Variants in MYO1C observed in about 807,000 individuals in gnomAD.
The protein encoded by MYO1C is unconventional myosin-Ic.
Under a neutral mutation model 150.8 loss-of-function variants are expected in MYO1C, and 104 were observed. The ratio of observed to expected loss-of-function variants is 0.69; its 90% CI spans 0.59 to 0.81. The LOEUF (loss-of-function observed/expected upper bound fraction) is 0.81, where lower values mean the gene tolerates loss of function less well. Among genes scored for constraint, MYO1C ranks in the 30% least tolerant of loss-of-function variants. The pLI is 0.00. For synonymous variants in MYO1C, 663 were observed against 579.9 expected, an observed-to-expected ratio of 1.14 and a Z score of -2.06; for missense variants, 1,504 against 1,435.0, an observed-to-expected ratio of 1.05 and a Z score of -0.78.
At chr17:1,489,889 A>T (rs1024121420) in intron 1 of MYO1C, among the ~76,000 whole-genome samples, 3 of 151,798 alleles carry the variant, frequency 2.0e-5, no homozygotes, top group Non-Finnish European at 4.4e-5. Flanking sequence ...AAATACAAAA[A>T]ATTAGCAGGG....
At chr17:1,472,450 C>A in intron 17 of MYO1C, 1 of 572,530 alleles carries the variant, frequency 1.7e-6, no homozygotes, top group Non-Finnish European at 3.1e-6. Context: ...GAGCCTCACT[C>A]CAGCCTAAAA....
rs1598315421 is a variant in MYO1C at position 1,465,714 on chromosome 17, T to C, written c.*12A>G. 2 of 1,325,808 alleles carry C rather than the reference T, an allele frequency of 1.5e-6. No homozygotes were observed. The highest frequency in any genetic ancestry group is 2.8e-5 in the East Asian group (1 of 35,712). 82.1% of individuals were successfully genotyped at this position (1,325,808 alleles called of 1,614,324 possible). On this transcript the variant is annotated 3_prime_UTR_variant, in exon 32 of 32. Coordinates refer to ENST00000648651, the MANE Select transcript of MYO1C (RefSeq NM_001080779.2). ...AGCATTGGGCGTTGGGAGGGTCCAGTGGGCGCCTTTATCACCGAGAATTCA... is the reference window on the plus strand; with the variant it reads ...AGCATTGGGCGTTGGGAGGGTCCAGCGGGCGCCTTTATCACCGAGAATTCA...
Position 1,479,518 on chromosome 17 carries a change from G to A in MYO1C, c.1021-16C>T, listed in dbSNP as rs746149399. The stretch of plus-strand genomic sequence containing the variant: ...CGCTGAGGAGCTGCCAAGGGCAGGC[G>A]AGGACACGGTGAGGGTGCACCCCCA... On this transcript the variant is annotated splice_polypyrimidine_tract_variant and intron_variant, in intron 8 of 31. Coordinates refer to ENST00000648651, the MANE Select transcript of MYO1C (RefSeq NM_001080779.2). This position sits in a 1 kb window ranked among gnomAD's most constrained non-coding sequence, Gnocchi z 4.2. The A allele has an allele frequency of 7.9e-6, 12 of 1,513,560 alleles. No homozygotes were observed. Among genetic ancestry groups the A allele is most frequent in the Middle Eastern group, 2.0e-4 (1 of 4,932 alleles). The allele number at this position is 1,513,560 out of a possible 1,614,324, so 93.8% of individuals were successfully genotyped here.
intron 14 of MYO1C, among the ~76,000 whole-genome samples, chr17:1,477,107 A>G (rs1319577414): frequency 6.6e-6 from 1 of 151,960 alleles, no homozygotes; most frequent in East Asian, 1.9e-4. Context: ...CCAAAGTGCT[A>G]GGATTACAGG....
chr17:1,473,183 GA>G (rs759851215), intron 17 of MYO1C, among the ~76,000 whole-genome samples: 40 of 152,210 alleles, frequency 2.6e-4, no homozygotes, highest in Non-Finnish European at 3.5e-4. Context: ...CTGGGTGACA[GA>G]GCGAGACTCC....
Position 1,468,124 on chromosome 17 carries a change from C to A in MYO1C, c.2761-1G>T. On this transcript the variant is annotated splice_acceptor_variant, in intron 27 of 31. Transcript: ENST00000648651. LOFTEE classifies it high-confidence loss of function. ...CGTATTTCACAACAGGCACCGCATA[C>A]TGGGGACAGAGGCCAGGCTGAAGGG... 1 of 1,613,482 alleles carries A rather than the reference C, an allele frequency of 6.2e-7. No individual in the cohort carries two copies. Among genetic ancestry groups the A allele is most frequent in the Non-Finnish European group, 8.5e-7 (1 of 1,180,006 alleles).
At chr17:1,483,474 G>T (rs1207875447) in intron 3 of MYO1C, 136 bp downstream of exon 3, 1 of 682,560 alleles carries the variant, frequency 1.5e-6, no homozygotes, top group Non-Finnish European at 2.6e-6. Context: ...CTGGTCACTG[G>T]GGGGCAAGAG....
At chr17:1,467,628 AC>A (rs756611796) in intron 29 of MYO1C, 51 bp from the exon 30 acceptor site, 1 of 1,516,910 alleles carries the variant, frequency 6.6e-7, no homozygotes, top group Admixed American at 1.8e-5. Flanking sequence ...AACTTGAGGA[AC>A]CCCCGCCCCA....
At chr17:1,488,708 G>A (rs748154175) in intron 1 of MYO1C, among the ~76,000 whole-genome samples, 2 of 152,208 alleles carry the variant, frequency 1.3e-5, no homozygotes, top group Non-Finnish European at 2.9e-5. Context: ...GGCCCCTGTC[G>A]GTGTCGTGTG....
intron 17 of MYO1C, among the ~76,000 whole-genome samples, chr17:1,474,211 G>T (rs1481199928): frequency 6.6e-6 from 1 of 152,066 alleles, no homozygotes; most frequent in African/African-American, 2.4e-5. Flanking sequence ...TGGATCACCC[G>T]AGGTCAGGAG....
rs775948149 is a variant in MYO1C at position 1,470,307 on chromosome 17, G to A, written c.2394C>T (p.His798=). The A allele has an allele frequency of 4.5e-6, 7 of 1,566,762 alleles. No individual in the cohort carries two copies. Among genetic ancestry groups the A allele is most frequent in the African/African-American group, 1.4e-5 (1 of 73,932 alleles). The change falls in exon 24 of 32, where the codon CAC becomes CAT. Residue 798 remains histidine, a synonymous_variant. Coordinates refer to ENST00000648651, the MANE Select transcript of MYO1C (RefSeq NM_001080779.2). ...AGGCGTTCTCGGGGCAGCGGGGGGC[G>A]TGGCGCAGGACGAAGCCTCGGATGA... is the stretch of plus-strand genomic sequence containing the variant. ...RRLIRGFVLR[H]APRCPENAFF... is the part of the protein sequence containing the mutation.
At chr17:1,491,454 C>CA (rs1567539573) in intron 1 of MYO1C, 2,533 of 182,118 alleles carry the variant, frequency 0.014, 147 homozygotes, top group African/African-American at 0.077. Flanking sequence ...GGGACCCCCC[C>CA]CCCCCGCACG....
intron 28 of MYO1C, 26 bp from the exon 29 acceptor site, chr17:1,467,936 G>A (rs562681119): frequency 1.9e-6 from 3 of 1,612,876 alleles, no homozygotes; most frequent in South Asian, 2.2e-5. Context: ...AAAGGTCAGA[G>A]GTCGAGGGTC....
chr17:1,465,774 G>T, intron 31 of MYO1C, 22 bp from the exon 32 acceptor site: 1 of 1,318,142 alleles, frequency 7.6e-7, no homozygotes, highest in Non-Finnish European at 9.8e-7. Flanking sequence ...GAGAGAGACG[G>T]CCAAGTGGTG....
rs2286870 is a variant in MYO1C, at chr17:1,468,702, G to A, written c.2611-206C>T. 0.64 allele frequency: 386,020 copies of A among 606,056 alleles called. 124,369 individuals carry two copies. The highest frequency in any genetic ancestry group is 0.79 in the African/African-American group (42,910 of 54,202). The allele number at this position is 606,056 out of a possible 1,614,324, so 37.5% of individuals were successfully genotyped here. A position where few individuals can be genotyped will look rare whatever the true frequency, so the allele number is the denominator to read the frequency against. On this transcript the variant is annotated intron_variant, in intron 25 of 31. Coordinates refer to ENST00000648651, the MANE Select transcript of MYO1C (RefSeq NM_001080779.2). ...CTGCCGCCACCAAGCACTCCCCAGC[G>A]GGGTCATGAAGGCACTGCGGGGTTT...
chr17:1,465,864 G>A (rs749636759), intron 31 of MYO1C, 112 bp from the exon 32 acceptor site: 9 of 757,838 alleles, frequency 1.2e-5, no homozygotes, highest in Non-Finnish European at 1.7e-5. Flanking sequence ...ATGGGGTCTC[G>A]CTATATTGTC....
At chr17:1,483,758 C>G (rs2150962260) in intron 2 of MYO1C, 33 bp from the exon 3 acceptor site, 1 of 1,544,028 alleles carries the variant, frequency 6.5e-7, no homozygotes, top group East Asian at 2.3e-5. Context: ...CAAAGTTTAT[C>G]CCGGGCCAGG....
Position 1,470,304 on chromosome 17 carries a change from G to T in MYO1C, c.2397C>A (p.Ala799=), listed in dbSNP as rs1340089478. ...RLIRGFVLRH[A]PRCPENAFFL... ...AGAAGGCGTTCTCGGGGCAGCGGGG[G>T]GCGTGGCGCAGGACGAAGCCTCGGA... The change falls in exon 24 of 32, where the codon GCC becomes GCA. Residue 799 remains alanine (A), a synonymous_variant. Coordinates refer to ENST00000648651, the MANE Select transcript of MYO1C (RefSeq NM_001080779.2). 2.5e-6 allele frequency: 4 copies of T among 1,572,248 alleles called. No homozygotes were observed. Among genetic ancestry groups the T allele is most frequent in the East Asian group, 2.3e-5 (1 of 43,018 alleles).
Position 1,471,292 on chromosome 17 carries a change from C to A in MYO1C, c.2066G>T (p.Arg689Leu). The A allele has an allele frequency of 6.2e-7, 1 of 1,613,994 alleles. No homozygotes were observed. Among genetic ancestry groups the A allele is most frequent in the South Asian group, 1.1e-5 (1 of 91,082 alleles). Reference sequence around the variant, plus strand: ...CAGCACAGCCACCCCATCCTGCGGCCGTCCTGCCCACGTGGGCCACGTCTC... The same window carrying A: ...CAGCACAGCCACCCCATCCTGCGGCAGTCCTGCCCACGTGGGCCACGTCTC... ...CPETWPTWAG[R>L]PQDGVAVLVR... The change falls in exon 20 of 32, where the codon CGG (arginine) becomes CTG (leucine). Residue 689 changes from arginine (R) to leucine (L), a missense_variant. Coordinates refer to ENST00000648651, the MANE Select transcript of MYO1C (RefSeq NM_001080779.2).
Sources: gnomAD v4.1 joint callset for allele counts (sites outside exome capture counted in the v4.1 genomes callset) on GRCh38, gnomAD v4.1.1 for gene constraint, Gnocchi (gnomAD v3.1) non-coding constraint, MANE v1.5 for transcripts, NCBI Gene and HGNC (gene_info 2026-07-23, HGNC 2026-07-21) for gene names.